SNX27: variants seen among roughly 807,000 people sequenced by gnomAD.
The protein encoded by SNX27 is sorting nexin-27.
SNX27 carries 22 observed loss-of-function variants against 71.6 expected under a neutral mutation model. The observed-to-expected ratio is 0.31, with a 90% confidence interval of 0.22 to 0.44. The LOEUF (loss-of-function observed/expected upper bound fraction) is 0.44, where lower values mean the gene tolerates loss of function less well. Among genes scored for constraint, SNX27 ranks in the 20% least tolerant of loss-of-function variants. SNX27 has a pLI of 1.00. For missense variants in SNX27, 531 were observed against 698.6 expected (o/e 0.76, Z 2.70); for synonymous variants, 269 against 277.2 (o/e 0.97, Z 0.29).
Position 151,694,112 on chromosome 1 carries a change from G to T in SNX27, c.1579-258G>T, listed in dbSNP as rs112772149. Reference sequence around the variant, plus strand: ...TTTCTCCTGGCTTTTTTTTCCCTCTGTGTAATTTTGGGTAAATCAGCCTCC... The same window carrying T: ...TTTCTCCTGGCTTTTTTTTCCCTCTTTGTAATTTTGGGTAAATCAGCCTCC... On this transcript the variant is annotated intron_variant, in intron 11 of 11. Coordinates refer to ENST00000458013, the MANE Select transcript of SNX27 (RefSeq NM_001330723.2). The T allele has an allele frequency of 2.7e-3, 3,443 of 1,265,468 alleles. 12 individuals carry two copies. The highest frequency in any genetic ancestry group is 7.3e-3 in the South Asian group (288 of 39,238). 78.4% of individuals were successfully genotyped at this position (1,265,468 alleles called of 1,614,324 possible).
rs779593579 is a variant in SNX27, at chr1:151,665,959, C to T, written c.933C>T (p.Asp311=). The T allele has an allele frequency of 1.9e-6, 3 of 1,606,624 alleles. No homozygotes were observed. Among genetic ancestry groups the T allele is most frequent in the Non-Finnish European group, 8.5e-7 (1 of 1,175,542 alleles). The change falls in exon 6 of 12, where the codon GAC becomes GAT. Residue 311 remains aspartate, a synonymous_variant. Coordinates refer to ENST00000458013, the MANE Select transcript of SNX27 (RefSeq NM_001330723.2). ...YQAIAAKVGM[D]STTVNYFALF... ...CTATCGCAGCAAAGGTTGGCATGGA[C>T]AGTACGACAGTGAATTACTTTGCCT...
At chr1:151,640,786 A>AACC (rs1011708100) in intron 2 of SNX27, among the ~76,000 whole-genome samples, 12 of 152,116 alleles carry the variant, frequency 7.9e-5, no homozygotes, top group Non-Finnish European at 1.2e-4. Context: ...ATAGTCTTAT[A>AACC]ACCACCACCA....
chr1:151,630,427 G>T (rs1268269305), intron 1 of SNX27, among the ~76,000 whole-genome samples: 2 of 152,014 alleles, frequency 1.3e-5, no homozygotes, highest in Non-Finnish European at 2.9e-5. Flanking sequence ...TTTAAAAGTT[G>T]TTGACCAGAT....
chr1:151,662,350 A>T, intron 5 of SNX27, 80 bp downstream of exon 5: 1 of 865,580 alleles, frequency 1.2e-6, no homozygotes, highest in Non-Finnish European at 1.9e-6. Flanking sequence ...AATACATATA[A>T]AGTGCTTAGG....
rs757424029 is a variant in SNX27, at chr1:151,639,145, C to T, written c.543+26C>T. The T allele has an allele frequency of 1.3e-5, 20 of 1,580,588 alleles. No individual in the cohort carries two copies. In the South Asian group the frequency reaches 1.7e-4, roughly 13 times the overall value. On this transcript the variant is annotated intron_variant, in intron 2 of 11. Transcript: ENST00000458013. ...GTGAGTGTCAGCCCAACTCGATCCT[C>T]GAACATCTAGCTTTGTTTCCCCTAG...
intron 8 of SNX27, among the ~76,000 whole-genome samples, chr1:151,684,687 A>G (rs1671116331): frequency 6.6e-6 from 1 of 152,266 alleles, no homozygotes; most frequent in Admixed American, 6.5e-5. Context: ...AATGCATTTA[A>G]TACACCTAAC....
At position 151,695,930 on chromosome 1, in the gene SNX27, T is replaced by C. The variant is rs983816681; in HGVS notation, c.*1513T>C. The C allele has an allele frequency of 2.0e-5, 3 of 152,258 alleles. No individual in the cohort carries two copies. The highest frequency in any genetic ancestry group is 4.4e-5 in the Non-Finnish European group (3 of 68,128). 9.4% of individuals were successfully genotyped at this position (152,258 alleles called of 1,614,324 possible). The stretch of plus-strand genomic sequence containing the variant: ...ACAGCAGTGATGGGAAGGGATCCAA[T>C]AGTATCTTCAAGGCCTTGGGGAAAC... On this transcript the variant is annotated 3_prime_UTR_variant, in exon 12 of 12. Coordinates refer to ENST00000458013, the MANE Select transcript of SNX27 (RefSeq NM_001330723.2).
chr1:151,678,899 T>G (rs1392950778), intron 7 of SNX27: 4 of 152,170 alleles, frequency 2.6e-5, no homozygotes, highest in Non-Finnish European at 5.9e-5. Context: ...AATTTTTGTA[T>G]TTTTAGTAGA....
At chr1:151,648,883 C>A (rs1023931639) in intron 2 of SNX27, among the ~76,000 whole-genome samples, 2 of 152,034 alleles carry the variant, frequency 1.3e-5, no homozygotes, top group Admixed American at 6.6e-5. Context: ...AAAAAGTCTT[C>A]ATTTCACCTT....
Position 151,620,399 on chromosome 1 carries a change from G to A in SNX27, c.311+7887G>A, listed in dbSNP as rs544182533. Among the ~76,000 whole-genome samples, 10 of 152,296 alleles carry A rather than the reference G, an allele frequency of 6.6e-5. No homozygotes were observed. The South Asian group carries it at 1.9e-3, about 28-fold the overall frequency. On this transcript the variant is annotated intron_variant, in intron 1 of 11. Coordinates refer to ENST00000458013, the MANE Select transcript of SNX27 (RefSeq NM_001330723.2). Reference sequence around the variant, plus strand: ...CTATTAGAATTAGAGTAATTTCAGAGCCATCTAGTCTCTTGGACTGTCTTG... The same window carrying A: ...CTATTAGAATTAGAGTAATTTCAGAACCATCTAGTCTCTTGGACTGTCTTG...
At chr1:151,624,468 G>A (rs1198961916) in intron 1 of SNX27, among the ~76,000 whole-genome samples, 1 of 127,592 alleles carries the variant, frequency 7.8e-6, no homozygotes, top group African/African-American at 3.0e-5. Flanking sequence ...GTCTTGCTCT[G>A]TCGCCCAGGC....
Position 151,641,016 on chromosome 1 carries a change from T to G in SNX27, c.543+1897T>G, listed in dbSNP as rs190647316. Among the ~76,000 whole-genome samples, 103 of 144,498 alleles carry G rather than the reference T, an allele frequency of 7.1e-4. 1 individual carries two copies. Among genetic ancestry groups the G allele is most frequent in the African/African-American group, 2.9e-3 (99 of 34,140 alleles). The allele number at this position is 144,498 out of a possible 152,430, so 94.8% of individuals were successfully genotyped here. A position where few individuals can be genotyped will look rare whatever the true frequency, so the allele number is the denominator to read the frequency against. ...TATAGTGCTTAAGATTGGCAGACAT[T>G]GTTATTTAAACCAAATATTTGTCCC... On this transcript the variant is annotated intron_variant, in intron 2 of 11. Transcript: ENST00000458013.
rs751481665 is a variant in SNX27 at position 151,693,340 on chromosome 1, A to G, written c.1519-84A>G. The G allele has an allele frequency of 3.0e-6, 4 of 1,331,998 alleles. No homozygotes were observed. The Admixed American group carries it at 6.8e-5, about 23-fold the overall frequency. The allele number at this position is 1,331,998 out of a possible 1,614,324, so 82.5% of individuals were successfully genotyped here. A position where few individuals can be genotyped will look rare whatever the true frequency, so the allele number is the denominator to read the frequency against. ...CTCTAGACTGAGTTTGGAAGATGGGATGACTGGGGACAGGAGTTCAAAGGC... is the reference window on the plus strand; with the variant it reads ...CTCTAGACTGAGTTTGGAAGATGGGGTGACTGGGGACAGGAGTTCAAAGGC... On this transcript the variant is annotated intron_variant, in intron 10 of 11. Coordinates refer to ENST00000458013, the MANE Select transcript of SNX27 (RefSeq NM_001330723.2).
chr1:151,656,503 A>T (rs1235811017), intron 2 of SNX27, among the ~76,000 whole-genome samples: 1 of 152,198 alleles, frequency 6.6e-6, no homozygotes, highest in Non-Finnish European at 1.5e-5. Flanking sequence ...AATTAAGAGG[A>T]TCTTTTTATA....
intron 8 of SNX27, among the ~76,000 whole-genome samples, chr1:151,689,114 G>T (rs1012234533): frequency 2.6e-5 from 4 of 152,146 alleles, no homozygotes; most frequent in Admixed American, 1.3e-4. Context: ...ATTCAGAGGG[G>T]ACGGACAGGG....
chr1:151,659,979 G>A (rs1452736835), intron 3 of SNX27: 1 of 152,134 alleles, frequency 6.6e-6, no homozygotes, highest in Admixed American at 6.6e-5. Flanking sequence ...GAGCCTTATC[G>A]TGAAGAGAAA....
At chr1:151,616,074 A>G (rs1174485084) in intron 1 of SNX27, among the ~76,000 whole-genome samples, 1 of 152,196 alleles carries the variant, frequency 6.6e-6, no homozygotes, top group Non-Finnish European at 1.5e-5. Flanking sequence ...TTGACTAGCA[A>G]AGCTGGTTTC....
rs1376218696 is a variant in SNX27, at chr1:151,651,323, G to T, written c.544-6912G>T. On this transcript the variant is annotated intron_variant, in intron 2 of 11. Coordinates refer to ENST00000458013, the MANE Select transcript of SNX27 (RefSeq NM_001330723.2). ...TCCCAGATGGGGCGGCTGGCGGGGC[G>T]GGGGGCTGACCCCCCCCACCTCCCT... Among the ~76,000 whole-genome samples, 4 of 150,438 alleles carry T rather than the reference G, an allele frequency of 2.7e-5. No individual in the cohort carries two copies. In the East Asian group the frequency reaches 6.0e-4, roughly 23 times the overall value.
intron 7 of SNX27, chr1:151,678,346 T>C (rs1670790135): frequency 6.6e-6 from 1 of 152,256 alleles, no homozygotes; most frequent in South Asian, 2.1e-4. Flanking sequence ...AGTGTAATTA[T>C]ACACTATTTG....
Sources: gnomAD v4.1 joint callset for allele counts (sites outside exome capture counted in the v4.1 genomes callset) on GRCh38, gnomAD v4.1.1 for gene constraint, MANE v1.5 for transcripts, NCBI Gene and HGNC (gene_info 2026-07-23, HGNC 2026-07-21) for gene names.